Variants in PRDM10 observed in about 807,000 individuals in gnomAD.
PRDM10 encodes the protein PR/SET domain 10, also known as PR domain zinc finger protein 10.
Under a neutral mutation model 133.1 loss-of-function variants are expected in PRDM10, and 65 were observed. The ratio of observed to expected loss-of-function variants is 0.49; its 90% CI spans 0.40 to 0.60. PRDM10 has a LOEUF of 0.60. Among genes scored for constraint, PRDM10 ranks in the 20% least tolerant of loss-of-function variants. The pLI is 0.00. For missense variants in PRDM10, 1,137 were observed against 1,507.1 expected, an observed-to-expected ratio of 0.75 and a Z score of 4.07; for synonymous variants, 582 against 580.4, an observed-to-expected ratio of 1.00 and a Z score of -0.04.
chr11:129,953,886 T>C (rs1304176343), intron 4 of PRDM10, among the ~76,000 whole-genome samples: 4 of 142,850 alleles, frequency 2.8e-5, no homozygotes, highest in Non-Finnish European at 4.6e-5. Flanking sequence ...AAGTATATAA[T>C]AGTATATCCT....
intron 13 of PRDM10, among the ~76,000 whole-genome samples, chr11:129,921,826 T>C (rs891525249): frequency 6.6e-6 from 1 of 152,194 alleles, no homozygotes; most frequent in Non-Finnish European, 1.5e-5. Context: ...ACTTATCCTC[T>C]CTTTCCCACC....
chr11:129,950,642 G>A (rs191290865), intron 4 of PRDM10, among the ~76,000 whole-genome samples: 1 of 152,262 alleles, frequency 6.6e-6, no homozygotes, highest in Admixed American at 6.5e-5. Context: ...CCATCTCAGA[G>A]CACAGCTTAC....
chr11:129,958,358 T>C (rs1056583865), intron 2 of PRDM10, among the ~76,000 whole-genome samples: 3 of 152,292 alleles, frequency 2.0e-5, no homozygotes, highest in African/African-American at 7.2e-5. Flanking sequence ...AAGGTCACTT[T>C]TGGCTAGGCG....
chr11:129,935,158 G>A lies in PRDM10; in HGVS notation c.1100C>T (p.Ser367Leu), dbSNP rs1345811167. The A allele has an allele frequency of 4.3e-6, 7 of 1,613,988 alleles. No homozygotes were observed. The highest frequency in any genetic ancestry group is 5.9e-6 in the Non-Finnish European group (7 of 1,179,954). Residue 367 changes from serine (S) to leucine (L), a missense_variant, in exon 9 of 21, where the codon TCG (serine) becomes TTG (leucine). Physicochemically the swap from Ser to Leu is moderately radical, Grantham distance 145 (BLOSUM62 -2). Transcript: ENST00000360871. ...CYECNRRFIS[S>L]EQLQQHLNSH... ...ATTGAGATGCTGTTGCAACTGCTCC[G>A]AGCTTATAAATCGGCGGTTACATTC... is the stretch of plus-strand genomic sequence containing the variant.
At chr11:129,971,331 A>C (rs905567273) in intron 1 of PRDM10, among the ~76,000 whole-genome samples, 2 of 152,172 alleles carry the variant, frequency 1.3e-5, no homozygotes, top group Admixed American at 1.3e-4. Flanking sequence ...TGATTGGTAG[A>C]GCCCAGTGGT....
Position 129,958,053 on chromosome 11 carries a change from G to A in PRDM10, c.70-143C>T, listed in dbSNP as rs184642926. 454 of 928,336 alleles carry A rather than the reference G, an allele frequency of 4.9e-4. 1 individual carries two copies. The African/African-American group carries it at 6.8e-3, about 14-fold the overall frequency. The allele number at this position is 928,336 out of a possible 1,614,324, so 57.5% of individuals were successfully genotyped here. A position where few individuals can be genotyped will look rare whatever the true frequency, so the allele number is the denominator to read the frequency against. On this transcript the variant is annotated intron_variant, in intron 2 of 20. Coordinates refer to ENST00000360871, the MANE Select transcript of PRDM10 (RefSeq NM_199437.2). Reference sequence around the variant, plus strand: ...GTCTACACCGAGGTGGTGACTAGGGGAGGATGCAAGGACCTTGTCATTGAT... The same window carrying A: ...GTCTACACCGAGGTGGTGACTAGGGAAGGATGCAAGGACCTTGTCATTGAT...
intron 13 of PRDM10, among the ~76,000 whole-genome samples, chr11:129,921,360 A>G (rs1950518082): frequency 1.3e-5 from 2 of 152,178 alleles, no homozygotes; most frequent in Admixed American, 1.3e-4. Context: ...TCAAGTCAGG[A>G]GGAGGAGTGA....
chr11:129,921,637 T>C (rs1181359693), intron 13 of PRDM10, among the ~76,000 whole-genome samples: 1 of 152,162 alleles, frequency 6.6e-6, no homozygotes, highest in East Asian at 1.9e-4. Flanking sequence ...AGGTAGGTGG[T>C]AGTGGTTTTG....
intron 2 of PRDM10, among the ~76,000 whole-genome samples, chr11:129,960,491 G>A (rs973680977): frequency 1.3e-5 from 2 of 151,868 alleles, no homozygotes; most frequent in Non-Finnish European, 2.9e-5. Context: ...TTTACATTCT[G>A]AATTTAAAAA....
Position 129,925,201 on chromosome 11 carries a change from C to T in PRDM10, c.1559G>A (p.Arg520Gln), listed in dbSNP as rs1480096774. 12 of 1,612,020 alleles carry T rather than the reference C, an allele frequency of 7.4e-6. No individual in the cohort carries two copies. Among genetic ancestry groups the T allele is most frequent in the Middle Eastern group, 1.6e-4 (1 of 6,062 alleles). ...RNAALQHLFI[R>Q]KSFRPFKCLQ... ...GCATTTAAAAGGCCGGAAGGACTTC[C>T]GAATAAACAGATGCTGAAGAGCTGC... is the stretch of plus-strand genomic sequence containing the variant. The change falls in exon 12 of 21, where the codon CGG becomes CAG. Residue 520 changes from arginine (R) to glutamine (Q), a missense_variant. By Grantham distance (43) the Arg-to-Gln change is conservative (BLOSUM62 1). This residue lies in a region of PRDM10 where 635 missense variants were observed against 835.2 expected (regional missense o/e 0.76). Coordinates refer to ENST00000360871, the MANE Select transcript of PRDM10 (RefSeq NM_199437.2).
In PRDM10 at chr11:129,981,010, T is replaced by G. The variant is rs549877374; in HGVS notation, c.-118-19928A>C. Among the ~76,000 whole-genome samples, 3 of 152,084 alleles carry G rather than the reference T, an allele frequency of 2.0e-5. No individual in the cohort carries two copies. In the East Asian group the frequency reaches 5.8e-4, roughly 29 times the overall value. On this transcript the variant is annotated intron_variant, in intron 1 of 20. Coordinates refer to ENST00000360871, the MANE Select transcript of PRDM10 (RefSeq NM_199437.2). ...CCTCAGCCTCCCGAGTAGCTGGGAT[T>G]ACAGGCACGCACCACTAGGCCCAGC...
At chr11:129,921,167 C>A (rs1950513528) in intron 13 of PRDM10, among the ~76,000 whole-genome samples, 1 of 152,118 alleles carries the variant, frequency 6.6e-6, no homozygotes, top group Admixed American at 6.5e-5. Context: ...TTCAATGCTG[C>A]CCTCATGGAG....
In PRDM10 at chr11:129,977,901, G is replaced by A. The variant is rs181420457; in HGVS notation, c.-118-16819C>T. ...GAGCACGGAAGGTTGAGGTTCCAGT[G>A]AGTGCGGTGAGATCGCACCACTGCA... is the stretch of plus-strand genomic sequence containing the variant. On this transcript the variant is annotated intron_variant, in intron 1 of 20. Transcript: ENST00000360871. Among the ~76,000 whole-genome samples, 237 of 152,154 alleles carry A rather than the reference G, an allele frequency of 1.6e-3. 1 individual carries two copies. Among genetic ancestry groups the A allele is most frequent in the Non-Finnish European group, 2.2e-3 (147 of 68,002 alleles).
At chr11:129,987,194 A>G (rs2135983960) in intron 1 of PRDM10, among the ~76,000 whole-genome samples, 1 of 152,334 alleles carries the variant, frequency 6.6e-6, no homozygotes, top group African/African-American at 2.4e-5. Flanking sequence ...CAATTTCAGC[A>G]AAATATTGAT....
intron 9 of PRDM10, among the ~76,000 whole-genome samples, chr11:129,934,777 A>G (rs1324353399): frequency 6.6e-6 from 1 of 152,238 alleles, no homozygotes; most frequent in Non-Finnish European, 1.5e-5. Context: ...ACTGCTGAAA[A>G]AAGTCTGAAA....
At position 129,914,825 on chromosome 11, in the gene PRDM10, G is replaced by A. The variant is rs768574831; in HGVS notation, c.2720C>T (p.Thr907Met). 23 of 1,614,072 alleles carry A rather than the reference G, an allele frequency of 1.4e-5. No individual in the cohort carries two copies. The highest frequency in any genetic ancestry group is 3.3e-5 in the Admixed American group (2 of 59,992). Residue 907 changes from threonine to methionine, a missense_variant, in exon 17 of 21, where the codon ACG becomes ATG. Thr to Met is a moderately conservative substitution (Grantham distance 81, BLOSUM62 -1). Coordinates refer to ENST00000360871, the MANE Select transcript of PRDM10 (RefSeq NM_199437.2). ...QAMTELSQTL[T>M]TDYRTPQGDY... ...CCCTTGTGGCGTTCGGTAGTCTGTCGTTAAGGTCTGGGACAGTTCTGTCAT... is the reference window on the plus strand; with the variant it reads ...CCCTTGTGGCGTTCGGTAGTCTGTCATTAAGGTCTGGGACAGTTCTGTCAT...
At chr11:129,913,364 G>A (rs73016842) in intron 17 of PRDM10, among the ~76,000 whole-genome samples, 11,351 of 152,140 alleles carry the variant, frequency 0.075, 533 homozygotes, top group Non-Finnish European at 0.1. Flanking sequence ...AAAAAAGAGC[G>A]TTTAGAGAAA....
chr11:129,929,493 G>T, intron 11 of PRDM10: 1 of 1,331,502 alleles, frequency 7.5e-7, no homozygotes, highest in South Asian at 1.4e-5. Flanking sequence ...CCCTTCAGTT[G>T]GTCATTACCA....
At chr11:129,991,839 C>A (rs1181480416) in intron 1 of PRDM10, among the ~76,000 whole-genome samples, 1 of 144,174 alleles carries the variant, frequency 6.9e-6, no homozygotes, top group Non-Finnish European at 1.5e-5. Flanking sequence ...AAAAAAGTAA[C>A]CGGCCTGGTG....
Sources: gnomAD v4.1 joint callset for allele counts (sites outside exome capture counted in the v4.1 genomes callset) on GRCh38, gnomAD v4.1.1 for gene constraint, gnomAD v4.1.1 regional missense constraint, MANE v1.5 for transcripts, NCBI Gene and HGNC (gene_info 2026-07-23, HGNC 2026-07-21) for gene names.